Variants in TMEM222 observed in about 807,000 individuals in gnomAD.
TMEM222 encodes the protein chromosome 1 open reading frame 160.
Under a neutral mutation model 25.1 loss-of-function variants are expected in TMEM222, and 18 were observed. The observed-to-expected ratio is 0.72, with a 90% CI of 0.50 to 1.06. TMEM222 has a LOEUF of 1.06. TMEM222 is among the 50% of genes least tolerant of loss of function. The probability of loss-of-function intolerance (pLI) is 0.00; values close to 1 mark genes in which losing one functional copy is unlikely to be tolerated. For missense variants in TMEM222, 296 were observed against 293.7 expected (o/e 1.01, Z -0.06); for synonymous variants, 131 against 117.9 (o/e 1.11, Z -0.72).
At chr1:27,323,812 A>G (rs958365472) in intron 1 of TMEM222, among the ~76,000 whole-genome samples, 1 of 152,228 alleles carries the variant, frequency 6.6e-6, no homozygotes, top group Admixed American at 6.5e-5. Context: ...AAATGTGCAC[A>G]TTAATTCATT....
At chr1:27,335,087 A>T in intron 5 of TMEM222, 1 of 488,402 alleles carries the variant, frequency 2.0e-6, no homozygotes, top group Non-Finnish European at 3.7e-6. Context: ...CTATAGATGG[A>T]GCCAGTGAGG....
rs188540899 is a variant in TMEM222 at position 27,328,605 on chromosome 1, C to T, written c.195-2115C>T. On this transcript the variant is annotated intron_variant, in intron 1 of 5. Coordinates refer to ENST00000374076, the MANE Select transcript of TMEM222 (RefSeq NM_032125.3). ...TTCTCACCACCCTGCCCCTGATCCT[C>T]TAGTCAGGACCTCCATCATCTCTTG... Among the ~76,000 whole-genome samples the T allele has an allele frequency of 7.2e-5, 11 of 152,348 alleles. No homozygotes were observed. In the East Asian group the frequency reaches 1.9e-3, roughly 27 times the overall value.
intron 3 of TMEM222, 173 bp downstream of exon 3, chr1:27,332,274 C>G (rs1267301249): frequency 5.4e-6 from 4 of 735,484 alleles, no homozygotes; most frequent in Non-Finnish European, 9.7e-6. Context: ...AGAGTGTGTA[C>G]CGCACCAGCC....
chr1:27,325,771 G>A, intron 1 of TMEM222: 2 of 841,162 alleles, frequency 2.4e-6, no homozygotes, highest in Non-Finnish European at 2.1e-6. Context: ...TCAGGCCCCT[G>A]TATCGTCCAC....
chr1:27,333,436 G>A, intron 3 of TMEM222: 1 of 470,618 alleles, frequency 2.1e-6, no homozygotes, highest in Non-Finnish European at 4.4e-6. Flanking sequence ...CATCAATTGG[G>A]TATCTTAGAA....
intron 5 of TMEM222, chr1:27,334,597 G>T: frequency 6.9e-7 from 1 of 1,444,872 alleles, no homozygotes; most frequent in East Asian, 2.6e-5. Context: ...GCTCCTCAGG[G>T]AGGCTTCTAC....
At chr1:27,332,338 GT>G in intron 3 of TMEM222, 1 of 713,728 alleles carries the variant, frequency 1.4e-6, no homozygotes, top group East Asian at 2.7e-5. Flanking sequence ...AGCTCTTCAG[GT>G]TTGTATTTTC....
rs2014553495 is a variant in TMEM222, at chr1:27,334,289, G to A, written c.539+8G>A. On this transcript the variant is annotated splice_region_variant and intron_variant, in intron 5 of 5. Coordinates refer to ENST00000374076, the MANE Select transcript of TMEM222 (RefSeq NM_032125.3). ...CTACGGGAAGTACGTCAGGTGAGCT[G>A]CCCTCCTGCCTGCCCACCCACACAC... 1 of 1,613,964 alleles carries A rather than the reference G, an allele frequency of 6.2e-7. No homozygotes were observed. The highest frequency in any genetic ancestry group is 8.5e-7 in the Non-Finnish European group (1 of 1,179,988).
intron 1 of TMEM222, among the ~76,000 whole-genome samples, chr1:27,327,350 T>A (rs2014375303): frequency 6.6e-6 from 1 of 152,186 alleles, no homozygotes; most frequent in Non-Finnish European, 1.5e-5. Flanking sequence ...TATCTGAGCA[T>A]GACTTCACTG....
At chr1:27,328,962 C>CTG (rs2014416755) in intron 1 of TMEM222, among the ~76,000 whole-genome samples, 1 of 152,212 alleles carries the variant, frequency 6.6e-6, no homozygotes, top group Non-Finnish European at 1.5e-5. Flanking sequence ...CACCCAGGTC[C>CTG]TGTAGGGCCA....
chr1:27,325,214 G>C lies in TMEM222; in HGVS notation c.194+2823G>C, dbSNP rs140011643. On this transcript the variant is annotated intron_variant, in intron 1 of 5. Coordinates refer to ENST00000374076, the MANE Select transcript of TMEM222 (RefSeq NM_032125.3). ...GTTGGTAATTCTGCATGAAAAACCA[G>C]TTTAGTGCTCGCCTCAGCAGCACAT... The C allele has an allele frequency of 2.4e-3, 998 of 412,746 alleles. 2 individuals carry two copies. Among genetic ancestry groups the C allele is most frequent in the Non-Finnish European group, 3.9e-3 (842 of 218,068 alleles). 25.6% of individuals were successfully genotyped at this position (412,746 alleles called of 1,614,324 possible). A position where few individuals can be genotyped will look rare whatever the true frequency, so the allele number is the denominator to read the frequency against.
chr1:27,328,509 C>G (rs561968092), intron 1 of TMEM222, among the ~76,000 whole-genome samples: 1 of 152,166 alleles, frequency 6.6e-6, no homozygotes, highest in Non-Finnish European at 1.5e-5. Flanking sequence ...AGCTGTAGAC[C>G]TGGAAGACCC....
chr1:27,332,676 C>T, intron 3 of TMEM222: 1 of 624,866 alleles, frequency 1.6e-6, no homozygotes, highest in Non-Finnish European at 2.9e-6. Flanking sequence ...CTCAGGTGAC[C>T]TGTTGCCCAA....
intron 3 of TMEM222, chr1:27,333,725 T>C: frequency 1.8e-6 from 1 of 569,722 alleles, no homozygotes; most frequent in South Asian, 2.0e-5. Flanking sequence ...ACACAGACTT[T>C]CAGAGCATAG....
intron 5 of TMEM222, 47 bp from the exon 6 acceptor site, chr1:27,335,332 G>C: frequency 1.3e-6 from 2 of 1,591,428 alleles, no homozygotes; most frequent in Admixed American, 1.7e-5. Flanking sequence ...CCGCATGCCT[G>C]CTCACCAGGC....
At chr1:27,331,029 T>C in intron 2 of TMEM222, 1 of 1,445,868 alleles carries the variant, frequency 6.9e-7, no homozygotes, top group Non-Finnish European at 9.1e-7. Context: ...CTTAAGTAAC[T>C]GACCCAGCCC....
At chr1:27,333,804 G>A (rs1215181646) in intron 3 of TMEM222, 154 bp from the exon 4 acceptor site, 2 of 644,990 alleles carry the variant, frequency 3.1e-6, no homozygotes, top group East Asian at 2.8e-5. Flanking sequence ...CTGTGTCACA[G>A]TTGACTGCCA....
At chr1:27,322,498 T>C in intron 1 of TMEM222, 107 bp downstream of exon 1, 2 of 1,131,370 alleles carry the variant, frequency 1.8e-6, no homozygotes, top group Non-Finnish European at 2.3e-6. Context: ...TTTCCTCGGG[T>C]CTGGCCCGCA....
chr1:27,331,991 C>T, intron 2 of TMEM222, 79 bp from the exon 3 acceptor site: 1 of 1,467,800 alleles, frequency 6.8e-7, no homozygotes, highest in South Asian at 1.1e-5. Flanking sequence ...TAAGTCACTG[C>T]ACTTCTGCCA....
Sources: allele counts gnomAD v4.1 joint callset (sites outside exome capture counted in the v4.1 genomes callset), GRCh38; gene constraint gnomAD v4.1.1; transcripts MANE v1.5; gene names NCBI Gene and HGNC (gene_info 2026-07-23, HGNC 2026-07-21).